MBD5: variants seen among roughly 807,000 people sequenced by gnomAD.
MBD5 encodes methyl-CpG binding domain protein 5.
MBD5 carries 13 observed loss-of-function variants against 117.3 expected under a neutral mutation model. The ratio of observed to expected loss-of-function variants is 0.11; its 90% CI spans 0.07 to 0.18. The LOEUF is 0.18. Ranked by LOEUF, MBD5 falls within the 10% of genes least tolerant of loss-of-function variation. The pLI, the probability that MBD5 is intolerant of heterozygous loss-of-function variation, is 1.00. For missense variants in MBD5, 1,879 were observed against 2,093.8 expected (o/e 0.90, Z 2.00); for synonymous variants, 727 against 766.4 (o/e 0.95, Z 0.85).
chr2:148,411,884 A>T (rs1705263663), intron 4 of MBD5, among the ~76,000 whole-genome samples: 1 of 151,822 alleles, frequency 6.6e-6, no homozygotes, highest in Admixed American at 6.6e-5. Flanking sequence ...CTTTTGTTAC[A>T]ATTACTTTTG....
rs1369630280 is a variant in MBD5, at chr2:148,468,885, G to A, written c.942G>A (p.Met314Ile). 11 of 1,613,740 alleles carry A rather than the reference G, an allele frequency of 6.8e-6. No homozygotes were observed. The highest frequency in any genetic ancestry group is 9.3e-6 in the Non-Finnish European group (11 of 1,179,918). The change falls in exon 8 of 14, where the codon ATG (methionine) becomes ATA (isoleucine). Residue 314 changes from methionine (M) to isoleucine (I), a missense_variant. By Grantham distance (10) the Met-to-Ile change is conservative. Coordinates refer to ENST00000642680, the MANE Select transcript of MBD5 (RefSeq NM_001378120.1). Reference protein sequence around the residue: ...TTKSPVMKKPMCNFSTNMEIP... With the variant: ...TTKSPVMKKPICNFSTNMEIP... ...AGAGTCCAGTAATGAAAAAACCAAT[G>A]TGTAATTTTTCAACTAATATGGAAA...
rs72861112 is a variant in MBD5 at position 148,454,428 on chromosome 2, A to G, written c.-556-3775A>G. Among the ~76,000 whole-genome samples the G allele has an allele frequency of 5.1e-3, 776 of 152,350 alleles. 1 individual carries two copies. The highest frequency in any genetic ancestry group is 8.3e-3 in the Non-Finnish European group (564 of 68,032). On this transcript the variant is annotated intron_variant, in intron 4 of 13. Coordinates refer to ENST00000642680, the MANE Select transcript of MBD5 (RefSeq NM_001378120.1). Reference sequence around the variant, plus strand: ...AACAGAGATAGATCTAGGTACCTCAATAGAGATGGCTCTCAAAACATGTTG... The same window carrying G: ...AACAGAGATAGATCTAGGTACCTCAGTAGAGATGGCTCTCAAAACATGTTG...
intron 4 of MBD5, among the ~76,000 whole-genome samples, chr2:148,362,234 T>G (rs1300512482): frequency 6.6e-6 from 1 of 152,186 alleles, no homozygotes; most frequent in South Asian, 2.1e-4. Flanking sequence ...TAAGATCCAC[T>G]GGCTTGAAAT....
chr2:148,255,722 C>A (rs1399554507), intron 3 of MBD5, among the ~76,000 whole-genome samples: 1 of 152,226 alleles, frequency 6.6e-6, no homozygotes, highest in Non-Finnish European at 1.5e-5. Context: ...GTTTAGAGCA[C>A]CAGGTCCAGC....
chr2:148,031,103 A>G (rs1694025237), intron 1 of MBD5, among the ~76,000 whole-genome samples: 2 of 152,194 alleles, frequency 1.3e-5, no homozygotes, highest in African/African-American at 4.8e-5. Flanking sequence ...GATGAACTTT[A>G]TTATTTTAAT....
Position 148,469,201 on chromosome 2 carries a change from G to A in MBD5, c.1258G>A (p.Gly420Arg), listed in dbSNP as rs1352167434. Residue 420 changes from glycine (G) to arginine (R), a missense_variant, in exon 8 of 14, where the codon GGG becomes AGG. By Grantham distance (125) the Gly-to-Arg change is moderately radical (BLOSUM62 -2). Around this residue, in one of 4 missense-constraint regions of MBD5, gnomAD observed 1,666 missense variants for 1,792.2 expected, o/e 0.93. Transcript: ENST00000642680. ...PTVKPGHMNH[G>R]SHVQRVQHSA... is the part of the protein sequence containing the mutation. ...TGTAAAACCTGGTCACATGAATCAT[G>A]GGAGTCATGTACAAAGAGTTCAGCA... 1.2e-6 allele frequency: 2 copies of A among 1,614,030 alleles called. No homozygotes were observed. The highest frequency in any genetic ancestry group is 1.1e-5 in the South Asian group (1 of 91,082).
In MBD5 at chr2:148,274,756, C is replaced by G. The variant is rs185178607; in HGVS notation, c.-680+41361C>G. On this transcript the variant is annotated intron_variant, in intron 3 of 13. Transcript: ENST00000642680. The stretch of plus-strand genomic sequence containing the variant: ...TTTTTTTTTGAGACAGAGTTTCGCT[C>G]TTGTTGCTGAGGCTGGAGTGCAATG... Among the ~76,000 whole-genome samples, 31 of 143,028 alleles carry G rather than the reference C, an allele frequency of 2.2e-4. No homozygotes were observed. The East Asian group carries it at 2.6e-3, about 12-fold the overall frequency. 93.8% of individuals were successfully genotyped at this position (143,028 alleles called of 152,430 possible). A position where few individuals can be genotyped will look rare whatever the true frequency, so the allele number is the denominator to read the frequency against.
At chr2:148,310,405 C>T (rs977870837) in intron 3 of MBD5, among the ~76,000 whole-genome samples, 2 of 152,142 alleles carry the variant, frequency 1.3e-5, no homozygotes, top group Non-Finnish European at 2.9e-5. Context: ...TTATCAATTT[C>T]TTCTACATTT....
chr2:148,288,772 G>C (rs1326996048), intron 3 of MBD5, among the ~76,000 whole-genome samples: 1 of 151,962 alleles, frequency 6.6e-6, no homozygotes, highest in Non-Finnish European at 1.5e-5. Flanking sequence ...AAAAAAAACA[G>C]TAATCTAAAA....
chr2:148,039,270 C>G (rs1317407053), intron 1 of MBD5, among the ~76,000 whole-genome samples: 2 of 151,714 alleles, frequency 1.3e-5, no homozygotes, highest in Non-Finnish European at 2.9e-5. Context: ...TGTTTTAAAC[C>G]TTATTATTTT....
At chr2:148,512,391 A>G (rs1574509164) in intron 13 of MBD5, 2 of 224,512 alleles carry the variant, frequency 8.9e-6, no homozygotes, top group East Asian at 2.1e-4. Flanking sequence ...TGTGCATGTT[A>G]TTATAATTTG....
chr2:148,430,583 C>G (rs1705954019), intron 4 of MBD5, among the ~76,000 whole-genome samples: 1 of 151,934 alleles, frequency 6.6e-6, no homozygotes. Flanking sequence ...TGCAGACTGT[C>G]TATTAATCAA....
In MBD5 at chr2:148,031,461, G is replaced by A. The variant is rs530655022; in HGVS notation, c.-925+9777G>A. On this transcript the variant is annotated intron_variant, in intron 1 of 13. Coordinates refer to ENST00000642680, the MANE Select transcript of MBD5 (RefSeq NM_001378120.1). The stretch of plus-strand genomic sequence containing the variant: ...TTTGTCACAGAAGAGGGTAATTCAG[G>A]TAAAGACAAAGCTTCCAATGGGTGA... Among the ~76,000 whole-genome samples the A allele has an allele frequency of 1.2e-3, 184 of 152,242 alleles. 1 individual carries two copies. The highest frequency in any genetic ancestry group is 2.1e-3 in the Non-Finnish European group (141 of 67,986).
chr2:148,037,990 A>G (rs1479486070), intron 1 of MBD5, among the ~76,000 whole-genome samples: 1 of 152,030 alleles, frequency 6.6e-6, no homozygotes, highest in East Asian at 1.9e-4. Flanking sequence ...TTTCTAGGTG[A>G]TAATAATAAA....
intron 4 of MBD5, among the ~76,000 whole-genome samples, chr2:148,348,387 C>G (rs1292190048): frequency 6.6e-6 from 1 of 152,000 alleles, no homozygotes; most frequent in African/African-American, 2.4e-5. Flanking sequence ...TTTGGCTGAT[C>G]CTCCTATACA....
At chr2:148,361,531 T>G (rs1483819191) in intron 4 of MBD5, among the ~76,000 whole-genome samples, 3 of 152,208 alleles carry the variant, frequency 2.0e-5, no homozygotes, top group Non-Finnish European at 4.4e-5. Context: ...GCTTAACAAT[T>G]TGTCCAATAT....
At chr2:148,022,142 A>G (rs1292837168) in intron 1 of MBD5, among the ~76,000 whole-genome samples, 1 of 152,188 alleles carries the variant, frequency 6.6e-6, no homozygotes, top group Admixed American at 6.5e-5. Flanking sequence ...GGAACTGCTT[A>G]TCCATTTGTA....
intron 3 of MBD5, among the ~76,000 whole-genome samples, chr2:148,249,726 C>T (rs899881848): frequency 4.6e-5 from 7 of 152,046 alleles, no homozygotes; most frequent in Non-Finnish European, 8.8e-5. Context: ...ATTTTGTGGG[C>T]AGTATTATTA....
At chr2:148,371,159 A>G (rs2105365477) in intron 4 of MBD5, among the ~76,000 whole-genome samples, 1 of 152,284 alleles carries the variant, frequency 6.6e-6, no homozygotes, top group East Asian at 1.9e-4. Flanking sequence ...AAATTCCATC[A>G]AGAATTTTAA....
Sources: gnomAD v4.1 joint callset for allele counts (sites outside exome capture counted in the v4.1 genomes callset) on GRCh38, gnomAD v4.1.1 for gene constraint, gnomAD v4.1.1 regional missense constraint, MANE v1.5 for transcripts, NCBI Gene and HGNC (gene_info 2026-07-23, HGNC 2026-07-21) for gene names.